The following CHRM3 variants were observed in gnomAD, a reference collection of about 807,000 sequenced individuals.
CHRM3 encodes the protein muscarinic acetylcholine receptor M3.
A neutral mutation model predicts 41.8 loss-of-function variants in CHRM3; 11 were observed. The observed-to-expected ratio is 0.26, with a 90% CI of 0.17 to 0.44. CHRM3 has a LOEUF of 0.44. CHRM3 is among the 20% of genes least tolerant of loss of function. The pLI is 1.00. For synonymous variants in CHRM3, 297 were observed against 301.4 expected, an observed-to-expected ratio of 0.99 and a Z score of 0.15; for missense variants, 571 against 745.4, an observed-to-expected ratio of 0.77 and a Z score of 2.72.
intron 4 of CHRM3, among the ~76,000 whole-genome samples, chr1:239,650,096 G>A (rs1328418558): frequency 2.0e-5 from 3 of 152,112 alleles, no homozygotes; most frequent in African/African-American, 7.2e-5. Flanking sequence ...GAACTGGGAG[G>A]TGTCCTGTGC....
At chr1:239,575,859 G>A (rs1274885370) in intron 3 of CHRM3, among the ~76,000 whole-genome samples, 1 of 151,826 alleles carries the variant, frequency 6.6e-6, no homozygotes, top group Non-Finnish European at 1.5e-5. Context: ...CAGCTAGCTT[G>A]ATAGTGTTAC....
At chr1:239,739,444 T>C (rs951048083) in intron 5 of CHRM3, among the ~76,000 whole-genome samples, 1 of 152,182 alleles carries the variant, frequency 6.6e-6, no homozygotes, top group Non-Finnish European at 1.5e-5. Context: ...GTTGAAACTT[T>C]AGTCAGGTGA....
chr1:239,487,208 G>A (rs994947056), intron 1 of CHRM3, among the ~76,000 whole-genome samples: 3 of 152,028 alleles, frequency 2.0e-5, no homozygotes, highest in Non-Finnish European at 2.9e-5. Flanking sequence ...ACAAGACAAA[G>A]CTATTTTTAG....
intron 1 of CHRM3, among the ~76,000 whole-genome samples, chr1:239,437,430 A>G (rs893054888): frequency 1.3e-5 from 2 of 152,224 alleles, no homozygotes; most frequent in Non-Finnish European, 2.9e-5. Flanking sequence ...TGTTTCTTCC[A>G]GAACTCTAAA....
At chr1:239,813,556 C>G (rs1246136200) in intron 5 of CHRM3, among the ~76,000 whole-genome samples, 1 of 152,052 alleles carries the variant, frequency 6.6e-6, no homozygotes, top group Non-Finnish European at 1.5e-5. Context: ...CTTCTACTCC[C>G]CTAGTCTTCT....
intron 1 of CHRM3, among the ~76,000 whole-genome samples, chr1:239,388,829 G>A (rs1037597791): frequency 2.6e-5 from 4 of 152,124 alleles, no homozygotes. Context: ...TTCTACCGCC[G>A]AATAGTCTAT....
intron 2 of CHRM3, among the ~76,000 whole-genome samples, chr1:239,526,325 A>G (rs976003796): frequency 1.3e-5 from 2 of 152,156 alleles, no homozygotes; most frequent in African/African-American, 4.8e-5. Context: ...TTCCCTGTAG[A>G]GTGAAATCTT....
chr1:239,418,075 G>A (rs1661646874), intron 1 of CHRM3, among the ~76,000 whole-genome samples: 1 of 152,164 alleles, frequency 6.6e-6, no homozygotes. Context: ...TTTAGAAGCT[G>A]AAGCAAAAAT....
At chr1:239,453,559 G>A (rs1246437086) in intron 1 of CHRM3, among the ~76,000 whole-genome samples, 2 of 151,936 alleles carry the variant, frequency 1.3e-5, no homozygotes, top group East Asian at 1.9e-4. Context: ...CTGCCTCTTT[G>A]TATTTCCATA....
chr1:239,850,897 C>A (rs2149221128), intron 6 of CHRM3, among the ~76,000 whole-genome samples: 1 of 152,230 alleles, frequency 6.6e-6, no homozygotes, highest in South Asian at 2.1e-4. Flanking sequence ...TATAAGTTAC[C>A]CAGTCTTGGG....
intron 5 of CHRM3, among the ~76,000 whole-genome samples, chr1:239,753,967 T>C (rs940804312): frequency 4.6e-5 from 7 of 152,342 alleles, no homozygotes; most frequent in African/African-American, 7.2e-5. Flanking sequence ...TGTAGAAGTC[T>C]CGGATGGTAG....
chr1:239,660,088 G>A (rs1673054390), intron 4 of CHRM3, among the ~76,000 whole-genome samples: 1 of 152,182 alleles, frequency 6.6e-6, no homozygotes, highest in Non-Finnish European at 1.5e-5. Context: ...AGCCTCCCAA[G>A]TAGCTGGTGC....
At chr1:239,714,330 A>T (rs773075041) in intron 5 of CHRM3, 1 of 152,152 alleles carries the variant, frequency 6.6e-6, no homozygotes, top group Admixed American at 6.6e-5. Context: ...ACTGCACCTA[A>T]CTCACAATGC....
chr1:239,584,688 G>T (rs1219842536), intron 3 of CHRM3, among the ~76,000 whole-genome samples: 1 of 152,164 alleles, frequency 6.6e-6, no homozygotes, highest in Non-Finnish European at 1.5e-5. Flanking sequence ...CGAGTCTTGG[G>T]TGGCTTGGGA....
chr1:239,582,615 C>T (rs985237843), intron 3 of CHRM3, among the ~76,000 whole-genome samples: 2 of 152,114 alleles, frequency 1.3e-5, no homozygotes, highest in East Asian at 1.9e-4. Context: ...GCATCTCCAA[C>T]ACAACACGTC....
At chr1:239,734,177 A>C (rs182542311) in intron 5 of CHRM3, among the ~76,000 whole-genome samples, 2 of 152,184 alleles carry the variant, frequency 1.3e-5, no homozygotes, top group African/African-American at 4.8e-5. Flanking sequence ...TTTAACAGTA[A>C]TTTACCACTT....
intron 2 of CHRM3, among the ~76,000 whole-genome samples, chr1:239,504,862 T>C (rs1668462483): frequency 6.6e-6 from 1 of 151,304 alleles, no homozygotes; most frequent in African/African-American, 2.4e-5. Flanking sequence ...AGCTAAGCTA[T>C]GAGGATGCAA....
intron 6 of CHRM3, among the ~76,000 whole-genome samples, chr1:239,851,235 A>G (rs1205737610): frequency 6.6e-6 from 1 of 152,186 alleles, no homozygotes; most frequent in Admixed American, 6.6e-5. Flanking sequence ...AAATCTGAAG[A>G]AAGCAATCTG....
At chr1:239,601,554 A>G (rs1558360180) in intron 3 of CHRM3, among the ~76,000 whole-genome samples, 1 of 152,174 alleles carries the variant, frequency 6.6e-6, no homozygotes, top group Non-Finnish European at 1.5e-5. Context: ...TTAGAAAAAA[A>G]AAAGGCTTAT....
Sources: gnomAD v4.1 joint callset for allele counts (sites outside exome capture counted in the v4.1 genomes callset) on GRCh38, gnomAD v4.1.1 for gene constraint, MANE v1.5 for transcripts, NCBI Gene and HGNC (gene_info 2026-07-23, HGNC 2026-07-21) for gene names.